Variants in COQ8A observed in about 807,000 individuals in gnomAD.
COQ8A encodes atypical kinase COQ8A, mitochondrial.
A neutral mutation model predicts 65.0 loss-of-function variants in COQ8A; 51 were observed. The observed-to-expected ratio is 0.78, with a 90% CI of 0.63 to 0.99. The LOEUF is 0.99. Among genes scored for constraint, COQ8A ranks in the 50% least tolerant of loss-of-function variants. COQ8A has a pLI of 0.00. For synonymous variants in COQ8A, 371 were observed against 353.2 expected (o/e 1.05, Z -0.57); for missense variants, 940 against 875.0 (o/e 1.07, Z -0.94).
chr1:226,974,351 T>C (rs1336862538), intron 4 of COQ8A, among the ~76,000 whole-genome samples: 1 of 152,210 alleles, frequency 6.6e-6, no homozygotes, highest in Admixed American at 6.5e-5. Flanking sequence ...CACAGTGGCT[T>C]TAGAGCCTGG....
In COQ8A at chr1:226,956,255, C is replaced by T. The variant is rs1204473662; in HGVS notation, c.-9-5122C>T. On this transcript the variant is annotated intron_variant, in intron 1 of 14. Coordinates refer to ENST00000366777, the MANE Select transcript of COQ8A (RefSeq NM_020247.5). ...TGGTTCACACTCTCCCTGGCTCCCA[C>T]TCTCCCTGGTTCACACTCTCCCTGG... Among the ~76,000 whole-genome samples the T allele has an allele frequency of 6.6e-5, 6 of 91,480 alleles. 1 individual carries two copies. The highest frequency in any genetic ancestry group is 2.8e-4 in the Admixed American group (3 of 10,750). 60.0% of individuals were successfully genotyped at this position (91,480 alleles called of 152,430 possible).
intron 1 of COQ8A, among the ~76,000 whole-genome samples, chr1:226,960,924 G>A (rs1007744579): frequency 4.6e-5 from 7 of 152,084 alleles, no homozygotes; most frequent in Admixed American, 3.9e-4. Context: ...TGCCGTGAGT[G>A]GTCCCTTGGA....
rs151305537 is a variant in COQ8A, at chr1:226,951,660, G to A, written c.-9-9717G>A. Among the ~76,000 whole-genome samples, 47 of 152,192 alleles carry A rather than the reference G, an allele frequency of 3.1e-4. No homozygotes were observed. The East Asian group carries it at 7.0e-3, about 23-fold the overall frequency. On this transcript the variant is annotated intron_variant, in intron 1 of 14. Transcript: ENST00000366777. The stretch of plus-strand genomic sequence containing the variant: ...TCTGGTGACCTTCCAAATTTCCTGG[G>A]ACAGCTGTGGTTTTTACTCTTGCCC...
At chr1:226,947,887 G>A (rs1657140048) in intron 1 of COQ8A, among the ~76,000 whole-genome samples, 2 of 152,116 alleles carry the variant, frequency 1.3e-5, no homozygotes, top group Non-Finnish European at 2.9e-5. Context: ...TTAAGAACAG[G>A]AATGCACTGA....
chr1:226,959,441 A>T (rs1019004620), intron 1 of COQ8A, among the ~76,000 whole-genome samples: 3 of 151,352 alleles, frequency 2.0e-5, no homozygotes, highest in Admixed American at 1.3e-4. Flanking sequence ...AAAGTACCTG[A>T]TGTTGATGAG....
rs767899984 is a variant in COQ8A at position 226,983,845 on chromosome 1, G to T, written c.1247G>T (p.Arg416Leu). The change falls in exon 10 of 15, where the codon CGC (arginine) becomes CTC (leucine). Residue 416 changes from arginine to leucine, a missense_variant. Coordinates refer to ENST00000366777, the MANE Select transcript of COQ8A (RefSeq NM_020247.5). Reference protein sequence around the residue: ...CDYQREAACARKFRDLLKGHP... With the variant: ...CDYQREAACALKFRDLLKGHP... ...TACCAGCGAGAGGCCGCCTGTGCCC[G>T]CAAGTTCAGGTGTGGCCCCCGGCCG... 8 of 1,609,804 alleles carry T rather than the reference G, an allele frequency of 5.0e-6. No homozygotes were observed. In the African/African-American group the frequency reaches 1.1e-4, roughly 22 times the overall value.
chr1:226,956,796 G>A (rs1432068127), intron 1 of COQ8A, among the ~76,000 whole-genome samples: 12 of 101,024 alleles, frequency 1.2e-4, no homozygotes, highest in East Asian at 1.0e-3. Context: ...ACTCTCCCTC[G>A]TTCACACTCT....
At chr1:226,976,191 CGGG>C (rs2148097578) in intron 4 of COQ8A, among the ~76,000 whole-genome samples, 1 of 31,820 alleles carries the variant, frequency 3.1e-5, no homozygotes, top group African/African-American at 8.8e-5. Context: ...TGCGGGACTG[CGGG>C]GCTGTGGGAC....
At chr1:226,966,137 C>T (rs1388234123) in intron 4 of COQ8A, among the ~76,000 whole-genome samples, 3 of 151,466 alleles carry the variant, frequency 2.0e-5, no homozygotes, top group Non-Finnish European at 4.4e-5. Context: ...TGGGGCTGTT[C>T]AGCAACTCAG....
chr1:226,969,234 T>C (rs554757433), intron 4 of COQ8A, among the ~76,000 whole-genome samples: 48 of 152,242 alleles, frequency 3.2e-4, no homozygotes, highest in Non-Finnish European at 5.9e-4. Context: ...ATTTACCTAC[T>C]TTTAGTCTAT....
intron 1 of COQ8A, among the ~76,000 whole-genome samples, chr1:226,954,525 C>G (rs957966486): frequency 1.1e-4 from 17 of 152,230 alleles, no homozygotes; most frequent in South Asian, 8.3e-4. Flanking sequence ...AGGGGTGTGG[C>G]CCAGCACTCT....
At chr1:226,963,339 G>A (rs1168272530) in intron 2 of COQ8A, among the ~76,000 whole-genome samples, 1 of 152,226 alleles carries the variant, frequency 6.6e-6, no homozygotes, top group Non-Finnish European at 1.5e-5. Flanking sequence ...GGAAGGTCAC[G>A]GACTCCAGGA....
chr1:226,983,925 T>C, intron 10 of COQ8A, 71 bp downstream of exon 10: 1 of 1,563,344 alleles, frequency 6.4e-7, no homozygotes, highest in Non-Finnish European at 8.7e-7. Context: ...CAGCAGCTGG[T>C]GAAGGCCCCT....
At chr1:226,961,231 C>A in intron 1 of COQ8A, 146 bp from the exon 2 acceptor site, 1 of 841,178 alleles carries the variant, frequency 1.2e-6, no homozygotes, top group South Asian at 1.5e-5. Context: ...GAGCCCTGGG[C>A]CCTTTCTTAT....
At chr1:226,967,088 A>G (rs1192486105) in intron 4 of COQ8A, among the ~76,000 whole-genome samples, 1 of 152,198 alleles carries the variant, frequency 6.6e-6, no homozygotes, top group Non-Finnish European at 1.5e-5. Flanking sequence ...GTAACATTTC[A>G]AGCAGTCCCT....
intron 14 of COQ8A, among the ~76,000 whole-genome samples, 174 bp downstream of exon 14, chr1:226,985,514 C>G (rs551800133): frequency 1.3e-5 from 2 of 152,182 alleles, no homozygotes; most frequent in Non-Finnish European, 2.9e-5. Context: ...CCCTGCTGAG[C>G]GTGAGATTTT....
Position 226,985,282 on chromosome 1 carries a change from G to A in COQ8A, c.1601G>A (p.Arg534Lys). 6.2e-7 allele frequency: 1 copy of A among 1,613,844 alleles called. No individual in the cohort carries two copies. The highest frequency in any genetic ancestry group is 1.1e-5 in the South Asian group (1 of 91,086). The change falls in exon 14 of 15, where the codon AGG (arginine) becomes AAG (lysine). Residue 534 changes from arginine to lysine, a missense_variant. Physicochemically the swap from Arg to Lys is conservative, Grantham distance 26. Transcript: ENST00000366777. ...QIIRAAADRD[R>K]ETVRAKSIEM... ...ATCAGGGCTGCTGCCGACAGGGACA[G>A]GGAGACTGTGCGGGCGAAATCCATA...
At chr1:226,982,179 G>C (rs1329842869) in intron 6 of COQ8A, 30 bp downstream of exon 6, 2 of 1,551,508 alleles carry the variant, frequency 1.3e-6, no homozygotes, top group African/African-American at 1.4e-5. Context: ...GCTGCCCCGG[G>C]ACTGCGTGGG....
chr1:226,986,030 C>T (rs72760497), intron 14 of COQ8A, among the ~76,000 whole-genome samples: 2,651 of 152,312 alleles, frequency 0.017, 27 homozygotes, highest in Non-Finnish European at 0.026. Context: ...CTGCTGGCGG[C>T]GGCTTCCTTA....
Sources: gnomAD v4.1 joint callset for allele counts (sites outside exome capture counted in the v4.1 genomes callset) on GRCh38, gnomAD v4.1.1 for gene constraint, MANE v1.5 for transcripts, NCBI Gene and HGNC (gene_info 2026-07-23, HGNC 2026-07-21) for gene names.